Variants in KLHL2 observed in about 807,000 individuals in gnomAD.
The protein encoded by KLHL2 is kelch like family member 2.
A neutral mutation model predicts 75.8 loss-of-function variants in KLHL2; 15 were observed. The ratio of observed to expected loss-of-function variants is 0.20; its 90% CI spans 0.13 to 0.30. KLHL2 has a LOEUF of 0.30. Ranked by LOEUF, KLHL2 falls within the 10% of genes least tolerant of loss-of-function variation. KLHL2 has a pLI of 1.00. For missense variants in KLHL2, 381 were observed against 741.0 expected (o/e 0.51, Z 5.64); for synonymous variants, 214 against 251.9 (o/e 0.85, Z 1.42).
At chr4:165,265,006 GT>G (rs1266360943) in intron 5 of KLHL2, among the ~76,000 whole-genome samples, 35 of 151,528 alleles carry the variant, frequency 2.3e-4, no homozygotes, top group Non-Finnish European at 1.5e-5. Flanking sequence ...GCATATAAGC[GT>G]TCCCGTTTCA....
chr4:165,272,486 G>A lies in KLHL2; in HGVS notation c.544+9127G>A, dbSNP rs1465893332. On this transcript the variant is annotated intron_variant, in intron 5 of 14. Coordinates refer to ENST00000226725, the MANE Select transcript of KLHL2 (RefSeq NM_007246.4). ...AACCAAGAAAGCTTTTGTATTTTTA[G>A]ATATTTTTTGCTGCATGAAACAATC... is the stretch of plus-strand genomic sequence containing the variant. 3.9e-5 allele frequency among the ~76,000 whole-genome samples: 6 copies of A among 152,306 alleles called. No homozygotes were observed. The East Asian group carries it at 7.7e-4, about 20-fold the overall frequency.
At chr4:165,264,181 CTTTT>C (rs1309772949) in intron 5 of KLHL2, among the ~76,000 whole-genome samples, 1 of 151,416 alleles carries the variant, frequency 6.6e-6, no homozygotes, top group African/African-American at 2.4e-5. Context: ...TAGGAAATTT[CTTTT>C]TTTAGTTTAT....
chr4:165,313,498 GT>G, intron 12 of KLHL2, 132 bp downstream of exon 12: 1 of 758,480 alleles, frequency 1.3e-6, no homozygotes, highest in Non-Finnish European at 1.9e-6. Context: ...ACTGCTAAAT[GT>G]CTTTTGAATT....
chr4:165,278,232 A>G, intron 5 of KLHL2: 1 of 1,155,486 alleles, frequency 8.7e-7, no homozygotes, highest in South Asian at 1.2e-5. Context: ...TCAAGACTCC[A>G]TACGTCGACT....
At chr4:165,305,914 A>C (rs972191878) in intron 9 of KLHL2, among the ~76,000 whole-genome samples, 189 bp downstream of exon 9, 1 of 152,200 alleles carries the variant, frequency 6.6e-6, no homozygotes, top group Non-Finnish European at 1.5e-5. Flanking sequence ...CTCTGTCTCC[A>C]CCTTTACATA....
chr4:165,238,723 G>C, intron 3 of KLHL2, 55 bp from the exon 4 acceptor site: 1 of 1,607,444 alleles, frequency 6.2e-7, no homozygotes, highest in Non-Finnish European at 8.5e-7. Flanking sequence ...ATTGGCATTG[G>C]AACTTCCACA....
intron 2 of KLHL2, among the ~76,000 whole-genome samples, chr4:165,226,238 G>C (rs1560983950): frequency 6.6e-6 from 1 of 152,194 alleles, no homozygotes; most frequent in African/African-American, 2.4e-5. Flanking sequence ...TGCTGACCCT[G>C]CTTACCTGCC....
intron 8 of KLHL2, among the ~76,000 whole-genome samples, chr4:165,302,785 A>C (rs924993673): frequency 6.6e-6 from 1 of 152,182 alleles, no homozygotes; most frequent in Non-Finnish European, 1.5e-5. Flanking sequence ...ACTAATATTT[A>C]TTTAATAGGT....
At chr4:165,238,418 C>T (rs529882937) in intron 3 of KLHL2, among the ~76,000 whole-genome samples, 1 of 152,252 alleles carries the variant, frequency 6.6e-6, no homozygotes, top group East Asian at 1.9e-4. Context: ...AAGGCAGTAA[C>T]ATCGTTACTC....
chr4:165,302,497 G>A (rs1410519938), intron 8 of KLHL2, among the ~76,000 whole-genome samples: 1 of 152,102 alleles, frequency 6.6e-6, no homozygotes, highest in Non-Finnish European at 1.5e-5. Flanking sequence ...ATTACACTCT[G>A]ATTTTTAATT....
At chr4:165,210,998 A>G (rs766894760) in intron 1 of KLHL2, among the ~76,000 whole-genome samples, 1 of 152,060 alleles carries the variant, frequency 6.6e-6, no homozygotes, top group African/African-American at 2.4e-5. Context: ...AGATAGAACC[A>G]TATCTTTTTT....
At chr4:165,265,844 G>A (rs1033096336) in intron 5 of KLHL2, among the ~76,000 whole-genome samples, 7 of 152,138 alleles carry the variant, frequency 4.6e-5, no homozygotes, top group African/African-American at 1.7e-4. Context: ...CCAGTAATGG[G>A]ATTGCTGGGT....
chr4:165,320,020 C>T (rs1188923167), intron 14 of KLHL2, among the ~76,000 whole-genome samples: 3 of 152,012 alleles, frequency 2.0e-5, no homozygotes, highest in Non-Finnish European at 4.4e-5. Flanking sequence ...GGGTTTGGCT[C>T]AAAAAATGTC....
intron 1 of KLHL2, chr4:165,209,988 G>A (rs942559353): frequency 1.4e-6 from 2 of 1,478,464 alleles, no homozygotes; most frequent in Non-Finnish European, 1.8e-6. Context: ...CTTGCAGGCA[G>A]TGTCTTTAGG....
At chr4:165,229,708 T>C (rs1209096840) in intron 3 of KLHL2, among the ~76,000 whole-genome samples, 1 of 152,222 alleles carries the variant, frequency 6.6e-6, no homozygotes, top group East Asian at 1.9e-4. Flanking sequence ...GGCAGATGGA[T>C]GTGCACCCTT....
At chr4:165,309,665 C>G (rs1041952252) in intron 9 of KLHL2, among the ~76,000 whole-genome samples, 1 of 152,214 alleles carries the variant, frequency 6.6e-6, no homozygotes, top group East Asian at 1.9e-4. Context: ...TTTCATATAG[C>G]TTTTTACATG....
chr4:165,267,154 AT>A, intron 5 of KLHL2, among the ~76,000 whole-genome samples: 2 of 152,298 alleles, frequency 1.3e-5, no homozygotes, highest in East Asian at 3.9e-4. Context: ...ATTTTTGCAC[AT>A]TGATTTTGTA....
intron 4 of KLHL2, among the ~76,000 whole-genome samples, chr4:165,255,628 A>T (rs1741102408): frequency 6.6e-6 from 1 of 151,824 alleles, no homozygotes; most frequent in African/African-American, 2.4e-5. Context: ...TCAAAACCCT[A>T]CTCCTTGGCC....
chr4:165,306,503 A>T (rs1312539448), intron 9 of KLHL2, among the ~76,000 whole-genome samples: 1 of 152,230 alleles, frequency 6.6e-6, no homozygotes, highest in Admixed American at 6.5e-5. Flanking sequence ...TTTTGGCAGG[A>T]TAAACTAGAC....
Sources: allele counts gnomAD v4.1 joint callset (sites outside exome capture counted in the v4.1 genomes callset), GRCh38; gene constraint gnomAD v4.1.1; transcripts MANE v1.5; gene names NCBI Gene and HGNC (gene_info 2026-07-23, HGNC 2026-07-21).